MAPRE1: variants seen among roughly 807,000 people sequenced by gnomAD.
MAPRE1 encodes microtubule associated protein RP/EB family member 1.
A neutral mutation model predicts 32.1 loss-of-function variants in MAPRE1; 5 were observed. The ratio of observed to expected loss-of-function variants is 0.16; its 90% CI spans 0.08 to 0.33. The LOEUF (loss-of-function observed/expected upper bound fraction) is 0.33. Ranked by LOEUF, MAPRE1 falls within the 10% of genes least tolerant of loss-of-function variation. MAPRE1 has a pLI of 1.00. For synonymous variants in MAPRE1, 122 were observed against 118.9 expected (o/e 1.03, Z -0.17); for missense variants, 209 against 327.2 (o/e 0.64, Z 2.79).
intron 5 of MAPRE1, among the ~76,000 whole-genome samples, chr20:32,844,439 CTTTTTTTTTTTTTTTTTTTT>C (rs71190880): frequency 3.8e-5 from 2 of 52,030 alleles, no homozygotes; most frequent in Non-Finnish European, 6.7e-5. Flanking sequence ...GCTAGCATTC[CTTTTTTTTTTTTTTTTTTTT>C]TTTTTTTTTT....
intron 1 of MAPRE1, among the ~76,000 whole-genome samples, chr20:32,825,516 T>C (rs1601159526): frequency 6.6e-6 from 1 of 151,848 alleles, no homozygotes; most frequent in South Asian, 2.1e-4. Flanking sequence ...GTACCTAGGC[T>C]GGGCGCAGTG....
At position 32,833,814 on chromosome 20, in the gene MAPRE1, G is replaced by C. The variant is rs372631624; in HGVS notation, c.219G>C (p.Gln73His). 4.7e-5 allele frequency: 76 copies of C among 1,613,920 alleles called. No homozygotes were observed. The highest frequency in any genetic ancestry group is 5.7e-5 in the Non-Finnish European group (67 of 1,179,930). The change falls in exon 3 of 7, where the codon CAG becomes CAC. Residue 73 changes from glutamine (Q) to histidine (H), a missense_variant. Transcript: ENST00000375571. The stretch of plus-strand genomic sequence containing the variant: ...CTAAGCTAGAACACGAGTACATCCA[G>C]AACTTCAAAATACTACAAGCAGGTT... ...FQAKLEHEYIQNFKILQAGFK... is the reference protein window; with the variant it reads ...FQAKLEHEYIHNFKILQAGFK...
At chr20:32,828,545 A>G (rs759213319) in intron 2 of MAPRE1, among the ~76,000 whole-genome samples, 10 of 152,222 alleles carry the variant, frequency 6.6e-5, no homozygotes, top group Non-Finnish European at 1.3e-4. Flanking sequence ...GTGACTTTTG[A>G]CAAGACCCTT....
In MAPRE1 at chr20:32,824,461, G is replaced by A. The variant is rs751551204; in HGVS notation, c.-3-1464G>A. On this transcript the variant is annotated intron_variant, in intron 1 of 6. Coordinates refer to ENST00000375571, the MANE Select transcript of MAPRE1 (RefSeq NM_012325.3). Reference sequence around the variant, plus strand: ...CCTCTCTTGTCCTCACCTGTAAAATGAGGGACATGAAGTGAACCTTGCAGA... The same window carrying A: ...CCTCTCTTGTCCTCACCTGTAAAATAAGGGACATGAAGTGAACCTTGCAGA... Among the ~76,000 whole-genome samples the A allele has an allele frequency of 1.7e-4, 26 of 152,210 alleles. 1 individual carries two copies. Among genetic ancestry groups the A allele is most frequent in the Non-Finnish European group, 2.9e-4 (20 of 68,032 alleles).
At chr20:32,843,022 G>A (rs796436457) in intron 5 of MAPRE1, 2 of 152,328 alleles carry the variant, frequency 1.3e-5, no homozygotes, top group African/African-American at 2.4e-5. Context: ...GTTTGCAGAG[G>A]CTGAAGGTCA....
At chr20:32,845,036 A>ATGTATGT (rs1555848115) in intron 5 of MAPRE1, among the ~76,000 whole-genome samples, 32 of 141,560 alleles carry the variant, frequency 2.3e-4, no homozygotes, top group South Asian at 9.1e-4. Context: ...TGTATGTATG[A>ATGTATGT]ATGAATGAAT....
intron 2 of MAPRE1, 83 bp downstream of exon 2, chr20:32,826,131 C>A (rs1040248093): frequency 7.4e-7 from 1 of 1,352,446 alleles, no homozygotes. Context: ...GACTGCAAAG[C>A]CACACACAGA....
chr20:32,839,613 G>T, intron 4 of MAPRE1, 122 bp from the exon 5 acceptor site: 1 of 1,365,106 alleles, frequency 7.3e-7, no homozygotes, highest in Non-Finnish European at 1.0e-6. Context: ...TCTAGCATTG[G>T]TTCCCTTCAC....
chr20:32,843,983 A>T (rs1983434742), intron 5 of MAPRE1, among the ~76,000 whole-genome samples: 1 of 151,920 alleles, frequency 6.6e-6, no homozygotes, highest in Non-Finnish European at 1.5e-5. Flanking sequence ...CCTCCCAAGT[A>T]GCTAGGATTA....
intron 1 of MAPRE1, among the ~76,000 whole-genome samples, chr20:32,822,253 A>G (rs116102679): frequency 1.5e-3 from 222 of 152,258 alleles, no homozygotes; most frequent in African/African-American, 5.2e-3. Flanking sequence ...ATATATAGGA[A>G]TGTCGCCATA....
chr20:32,825,903 C>G (rs1306098602), intron 1 of MAPRE1, 22 bp from the exon 2 acceptor site: 2 of 1,567,152 alleles, frequency 1.3e-6, no homozygotes, highest in African/African-American at 2.7e-5. Flanking sequence ...ACAGGCCCTT[C>G]TCTTTTCTTC....
chr20:32,832,389 T>C (rs1983053892), intron 2 of MAPRE1, among the ~76,000 whole-genome samples: 1 of 75,672 alleles, frequency 1.3e-5, no homozygotes, highest in South Asian at 5.0e-4. Flanking sequence ...TAAAACACTT[T>C]TTGGAAAAAA....
intron 1 of MAPRE1, among the ~76,000 whole-genome samples, chr20:32,820,396 T>C (rs1337964705): frequency 3.3e-5 from 5 of 151,884 alleles, no homozygotes; most frequent in South Asian, 2.1e-4. Flanking sequence ...GGGACGCACA[T>C]TGTGGGAGGC....
intron 2 of MAPRE1, among the ~76,000 whole-genome samples, chr20:32,829,231 A>G (rs1422673198): frequency 2.6e-5 from 4 of 152,138 alleles, no homozygotes; most frequent in African/African-American, 7.2e-5. Flanking sequence ...GTTTTGTCTC[A>G]TGTCTGCTAC....
intron 5 of MAPRE1, among the ~76,000 whole-genome samples, chr20:32,844,178 A>T (rs554152026): frequency 6.6e-6 from 1 of 152,170 alleles, no homozygotes; most frequent in East Asian, 1.9e-4. Context: ...TAATAACCTC[A>T]TGAATACAGA....
At chr20:32,837,978 G>A (rs990221532) in intron 4 of MAPRE1, among the ~76,000 whole-genome samples, 2 of 152,192 alleles carry the variant, frequency 1.3e-5, no homozygotes, top group Non-Finnish European at 2.9e-5. Context: ...AGCTACTCAG[G>A]AGGCTGAGGC....
intron 3 of MAPRE1, among the ~76,000 whole-genome samples, chr20:32,835,778 G>T (rs1983182195): frequency 6.6e-6 from 1 of 151,548 alleles, no homozygotes; most frequent in African/African-American, 2.4e-5. Context: ...GCTAATTTTT[G>T]TATTTTTAGT....
intron 5 of MAPRE1, chr20:32,843,472 G>A (rs1983418946): frequency 6.6e-6 from 1 of 152,202 alleles, no homozygotes; most frequent in Non-Finnish European, 1.5e-5. Flanking sequence ...AGGTGAGTCA[G>A]AAGTGTGAGC....
chr20:32,844,281 C>T (rs750531117), intron 5 of MAPRE1, among the ~76,000 whole-genome samples: 1 of 151,972 alleles, frequency 6.6e-6, no homozygotes, highest in Non-Finnish European at 1.5e-5. Context: ...TGAGCAATAT[C>T]ATGGACAGAT....
Sources: allele counts gnomAD v4.1 joint callset (sites outside exome capture counted in the v4.1 genomes callset), GRCh38; gene constraint gnomAD v4.1.1; transcripts MANE v1.5; gene names NCBI Gene and HGNC (gene_info 2026-07-23, HGNC 2026-07-21).